GALK2: variants seen among roughly 807,000 people sequenced by gnomAD.
GALK2 encodes N-acetylgalactosamine kinase.
In GALK2, 36 loss-of-function variants were observed where a neutral mutation model predicts 52.4. The ratio of observed to expected loss-of-function variants is 0.69; its 90% CI spans 0.53 to 0.91. The LOEUF is 0.91. Among genes scored for constraint, GALK2 ranks in the 40% least tolerant of loss-of-function variants. The pLI, the probability that GALK2 is intolerant of heterozygous loss-of-function variation, is 0.00. For missense variants in GALK2, 579 were observed against 559.1 expected (o/e 1.04, Z -0.36); for synonymous variants, 176 against 199.1 (o/e 0.88, Z 0.98).
intron 3 of GALK2, among the ~76,000 whole-genome samples, chr15:49,363,106 G>A (rs2044536854): frequency 6.6e-6 from 1 of 152,108 alleles, no homozygotes; most frequent in South Asian, 2.1e-4. Context: ...GGCTGTTCAA[G>A]CTCTTTTTTG....
intron 3 of GALK2, among the ~76,000 whole-genome samples, chr15:49,354,399 T>C (rs1362274412): frequency 2.6e-5 from 4 of 152,054 alleles, no homozygotes; most frequent in South Asian, 2.1e-4. Flanking sequence ...GCACCGTGCG[T>C]GAGCCGAAGC....
Position 49,238,589 on chromosome 15 carries a change from C to T in GALK2, c.358-632C>T, listed in dbSNP as rs2090946555. Among the ~76,000 whole-genome samples the T allele has an allele frequency of 2.6e-5, 4 of 152,330 alleles. No homozygotes were observed. In the South Asian group the frequency reaches 6.2e-4, roughly 24 times the overall value. Reference sequence around the variant, plus strand: ...TAACTGCAGTGGAAAAGTTTTCAAACAGGATTCAGAGACCTGGGCCCTACT... The same window carrying T: ...TAACTGCAGTGGAAAAGTTTTCAAATAGGATTCAGAGACCTGGGCCCTACT... On this transcript the variant is annotated intron_variant, in intron 4 of 9. Coordinates refer to ENST00000560031, the MANE Select transcript of GALK2 (RefSeq NM_002044.4).
At chr15:49,159,467 G>C (rs1361305608) in intron 1 of GALK2, among the ~76,000 whole-genome samples, 1 of 151,594 alleles carries the variant, frequency 6.6e-6, no homozygotes, top group South Asian at 2.1e-4. Context: ...TGTAATTCCA[G>C]CTGGAGGCTG....
chr15:49,201,360 G>T (rs983615782), intron 2 of GALK2, 110 bp downstream of exon 2: 1 of 599,852 alleles, frequency 1.7e-6, no homozygotes, highest in African/African-American at 1.9e-5. Flanking sequence ...TATTTCACAT[G>T]TATCTACTAA....
chr15:49,272,666 G>A (rs1262169912), intron 5 of GALK2, among the ~76,000 whole-genome samples: 1 of 152,096 alleles, frequency 6.6e-6, no homozygotes, highest in Non-Finnish European at 1.5e-5. Flanking sequence ...CACATCCAGA[G>A]TCATCATCTG....
At chr15:49,206,115 C>T (rs1411048291) in intron 2 of GALK2, among the ~76,000 whole-genome samples, 16 of 152,144 alleles carry the variant, frequency 1.1e-4, no homozygotes, top group Admixed American at 2.0e-4. Context: ...ACTAGTACCA[C>T]GCTGTTTTGG....
intron 8 of GALK2, among the ~76,000 whole-genome samples, chr15:49,316,616 C>CAAAT (rs1320957915): frequency 4.7e-5 from 7 of 149,446 alleles, no homozygotes; most frequent in Non-Finnish European, 8.9e-5. Flanking sequence ...AAGTATAATA[C>CAAAT]AAATAAATAA....
rs1438205519 is a variant in GALK2, at chr15:49,172,145, A to G, written c.53+1770A>G. Among the ~76,000 whole-genome samples the G allele has an allele frequency of 2.0e-5, 3 of 152,346 alleles. No individual in the cohort carries two copies. The South Asian group carries it at 6.2e-4, about 32-fold the overall frequency. On this transcript the variant is annotated intron_variant, in intron 1 of 9. Transcript: ENST00000560031. ...TGTGTTTCCATTTTATGTGATTGTA[A>G]TAATAAAGATCAACATTTCTATCTA...
At chr15:49,350,230 T>C (rs561379201) in intron 3 of GALK2, among the ~76,000 whole-genome samples, 2 of 152,334 alleles carry the variant, frequency 1.3e-5, no homozygotes, top group East Asian at 3.9e-4. Flanking sequence ...ATATGGTTAA[T>C]GAGCACTTAA....
intron 5 of GALK2, among the ~76,000 whole-genome samples, chr15:49,271,309 C>A (rs2030563071): frequency 6.6e-6 from 1 of 152,080 alleles, no homozygotes; most frequent in Non-Finnish European, 1.5e-5. Context: ...TTTTTTCTCC[C>A]CTCTTCTCCT....
intron 1 of GALK2, among the ~76,000 whole-genome samples, chr15:49,175,692 T>C (rs1212494028): frequency 6.6e-6 from 1 of 152,124 alleles, no homozygotes; most frequent in African/African-American, 2.4e-5. Context: ...ATGCCCAATT[T>C]CTGCCTCCAA....
At chr15:49,298,535 G>A (rs2034684382) in intron 8 of GALK2, among the ~76,000 whole-genome samples, 1 of 152,126 alleles carries the variant, frequency 6.6e-6, no homozygotes, top group Non-Finnish European at 1.5e-5. Flanking sequence ...TTAGTATGAT[G>A]TTGACTGTGG....
At position 49,327,987 on chromosome 15, in the gene GALK2, C is replaced by T; in HGVS notation, c.1205C>T (p.Ala402Val). Residue 402 changes from alanine to valine, a missense_variant, in exon 10 of 10, where the codon GCA becomes GTA. Physicochemically the swap from Ala to Val is moderately conservative, Grantham distance 64. Transcript: ENST00000560031. The stretch of plus-strand genomic sequence containing the variant: ...GCTCAAGGGTCACGACTTACTGGAG[C>T]AGGATGGGGAGGCTGCACAGTATCA... The part of the protein sequence containing the change: ...FGAQGSRLTG[A>V]GWGGCTVSMV... 1 of 1,613,612 alleles carries T rather than the reference C, an allele frequency of 6.2e-7. No individual in the cohort carries two copies. Among genetic ancestry groups the T allele is most frequent in the South Asian group, 1.1e-5 (1 of 91,036 alleles).
chr15:49,307,562 T>C (rs2035646000), intron 8 of GALK2, among the ~76,000 whole-genome samples: 1 of 152,132 alleles, frequency 6.6e-6, no homozygotes, highest in African/African-American at 2.4e-5. Context: ...AGTGATGGGC[T>C]CTGTCTTGTA....
At chr15:49,249,976 G>C (rs1343817172) in intron 5 of GALK2, among the ~76,000 whole-genome samples, 1 of 152,100 alleles carries the variant, frequency 6.6e-6, no homozygotes, top group African/African-American at 2.4e-5. Flanking sequence ...CTAGCCAATT[G>C]GGACAAATAC....
chr15:49,177,867 G>T, intron 1 of GALK2: 1 of 210,536 alleles, frequency 4.7e-6, no homozygotes, highest in South Asian at 7.4e-5. Flanking sequence ...GAGAACTCAG[G>T]ACTCTTAGCC....
At chr15:49,201,117 T>C (rs1172711374) in intron 1 of GALK2, 45 bp from the exon 2 acceptor site, 1 of 1,050,864 alleles carries the variant, frequency 9.5e-7, no homozygotes, top group Non-Finnish European at 1.5e-6. Context: ...ATGTTACGGA[T>C]TTTCTGTTAT....
At chr15:49,290,319 G>T (rs2033810074) in intron 7 of GALK2, among the ~76,000 whole-genome samples, 1 of 152,224 alleles carries the variant, frequency 6.6e-6, no homozygotes, top group African/African-American at 2.4e-5. Context: ...GTCATTGAGG[G>T]CATATGGTAG....
intron 7 of GALK2, among the ~76,000 whole-genome samples, chr15:49,288,142 TACA>T (rs1287137338): frequency 2.6e-5 from 4 of 152,224 alleles, no homozygotes; most frequent in African/African-American, 9.6e-5. Flanking sequence ...CTTTAGTAGG[TACA>T]ACATTTTTCA....
Sources: gnomAD v4.1 joint callset for allele counts (sites outside exome capture counted in the v4.1 genomes callset) on GRCh38, gnomAD v4.1.1 for gene constraint, MANE v1.5 for transcripts, NCBI Gene and HGNC (gene_info 2026-07-23, HGNC 2026-07-21) for gene names.